The following FARP1 variants were observed in gnomAD, a reference collection of about 807,000 sequenced individuals.
The protein encoded by FARP1 is FERM, ARHGEF and pleckstrin domain-containing protein 1.
Under a neutral mutation model 128.8 loss-of-function variants are expected in FARP1, and 52 were observed. That is an observed-to-expected ratio of 0.40 (90% CI 0.32 to 0.51). The LOEUF is 0.51. FARP1 is among the 20% of genes least tolerant of loss of function. The pLI is 0.45. For synonymous variants in FARP1, 580 were observed against 551.8 expected, an observed-to-expected ratio of 1.05 and a Z score of -0.72; for missense variants, 1,333 against 1,367.9, an observed-to-expected ratio of 0.97 and a Z score of 0.40.
chr13:98,357,167 G>A (rs565734222), intron 3 of FARP1, among the ~76,000 whole-genome samples: 1 of 152,116 alleles, frequency 6.6e-6, no homozygotes, highest in East Asian at 1.9e-4. Context: ...TTTAATGGGG[G>A]GTGGAGGGGT....
chr13:98,454,416 C>T lies in FARP1; in HGVS notation c.*6099C>T, dbSNP rs902682905. Reference sequence around the variant, plus strand: ...TGTCTTTGACCAGGCTTATCTCAAACGTTCCAATCTAGAGCTCCTCTTTTC... The same window carrying T: ...TGTCTTTGACCAGGCTTATCTCAAATGTTCCAATCTAGAGCTCCTCTTTTC... On this transcript the variant is annotated 3_prime_UTR_variant, in exon 27 of 27. Coordinates refer to ENST00000319562, the MANE Select transcript of FARP1 (RefSeq NM_005766.4). 1 of 152,314 alleles carries T rather than the reference C, an allele frequency of 6.6e-6. No individual in the cohort carries two copies. The highest frequency in any genetic ancestry group is 1.9e-4 in the East Asian group (1 of 5,186). The allele number at this position is 152,314 out of a possible 1,614,324, so 9.4% of individuals were successfully genotyped here.
At chr13:98,155,269 C>CT (rs1188409590) in intron 1 of FARP1, among the ~76,000 whole-genome samples, 1 of 146,508 alleles carries the variant, frequency 6.8e-6, no homozygotes, top group African/African-American at 2.6e-5. Context: ...TGGCTTGAAC[C>CT]GGGAGGCAGA....
intron 2 of FARP1, among the ~76,000 whole-genome samples, chr13:98,330,806 C>G (rs1333948839): frequency 6.6e-6 from 1 of 151,988 alleles, no homozygotes; most frequent in Non-Finnish European, 1.5e-5. Flanking sequence ...CATTAAGCTG[C>G]GTGGTATCCC....
At position 98,384,319 on chromosome 13, in the gene FARP1, G is replaced by C; in HGVS notation, c.497-411G>C. Reference sequence around the variant, plus strand: ...GCAGTTCTCCTGCCTCAGCCTCCCAGGTCGCTGGGATTACAGGTGCCCGCC... The same window carrying C: ...GCAGTTCTCCTGCCTCAGCCTCCCACGTCGCTGGGATTACAGGTGCCCGCC... On this transcript the variant is annotated intron_variant, in intron 6 of 26. Coordinates refer to ENST00000319562, the MANE Select transcript of FARP1 (RefSeq NM_005766.4). The C allele has an allele frequency of 1.2e-5, 2 of 172,492 alleles. 1 individual carries two copies. Among genetic ancestry groups the C allele is most frequent in the Admixed American group, 1.2e-4 (2 of 17,286 alleles). 10.7% of individuals were successfully genotyped at this position (172,492 alleles called of 1,614,324 possible).
chr13:98,224,053 C>G (rs1881592799), intron 2 of FARP1, among the ~76,000 whole-genome samples: 1 of 152,224 alleles, frequency 6.6e-6, no homozygotes, highest in Admixed American at 6.5e-5. Context: ...AAACAGAACT[C>G]AGGTGCTCCA....
intron 3 of FARP1, among the ~76,000 whole-genome samples, chr13:98,344,262 G>A (rs781773193): frequency 6.6e-6 from 1 of 152,214 alleles, no homozygotes; most frequent in Non-Finnish European, 1.5e-5. Context: ...TCTGGTTGGA[G>A]ATGGTGCTGG....
chr13:98,338,093 A>G (rs189642199), intron 2 of FARP1, among the ~76,000 whole-genome samples: 2 of 152,314 alleles, frequency 1.3e-5, no homozygotes, highest in East Asian at 3.9e-4. Flanking sequence ...TTCCTCAACT[A>G]CTTTTTCTCC....
intron 3 of FARP1, among the ~76,000 whole-genome samples, chr13:98,363,503 C>A (rs1454663481): frequency 2.0e-5 from 3 of 152,182 alleles, no homozygotes; most frequent in Non-Finnish European, 4.4e-5. Context: ...CTTTGATATA[C>A]AAAGAAACCA....
intron 6 of FARP1, chr13:98,384,468 C>T: frequency 4.2e-6 from 2 of 481,036 alleles, no homozygotes; most frequent in Non-Finnish European, 3.8e-6. Flanking sequence ...GCTGAGATTA[C>T]AGGCATGAGC....
intron 2 of FARP1, among the ~76,000 whole-genome samples, chr13:98,301,898 A>T (rs1477430007): frequency 6.6e-6 from 1 of 152,152 alleles, no homozygotes; most frequent in Non-Finnish European, 1.5e-5. Context: ...CAGCCTTGTT[A>T]ATTCGGGTGA....
chr13:98,409,592 A>G, intron 14 of FARP1, 67 bp downstream of exon 14: 5 of 1,402,234 alleles, frequency 3.6e-6, no homozygotes, highest in Non-Finnish European at 4.8e-6. Flanking sequence ...GAATTTTAAA[A>G]ATTGTACTAA....
At chr13:98,152,337 C>T (rs1876074508) in intron 1 of FARP1, among the ~76,000 whole-genome samples, 1 of 152,142 alleles carries the variant, frequency 6.6e-6, no homozygotes, top group Non-Finnish European at 1.5e-5. Context: ...GCACAGGCTT[C>T]TCATTTAGCA....
intron 2 of FARP1, among the ~76,000 whole-genome samples, chr13:98,272,341 T>A (rs1430894137): frequency 6.6e-6 from 1 of 152,196 alleles, no homozygotes; most frequent in African/African-American, 2.4e-5. Flanking sequence ...AAATACATAT[T>A]TTTTAAGTAC....
At chr13:98,208,529 A>G (rs1258214377) in intron 1 of FARP1, 4 of 152,372 alleles carry the variant, frequency 2.6e-5, no homozygotes, top group African/African-American at 9.7e-5. Flanking sequence ...GTCATCTGGT[A>G]ACACTGGGGT....
chr13:98,254,517 G>A (rs1266599255), intron 2 of FARP1, among the ~76,000 whole-genome samples: 4 of 152,174 alleles, frequency 2.6e-5, no homozygotes, highest in African/African-American at 9.7e-5. Flanking sequence ...TCATGAGCAC[G>A]AAGAATTGTG....
At chr13:98,340,528 A>G (rs1887922834) in intron 2 of FARP1, among the ~76,000 whole-genome samples, 1 of 152,070 alleles carries the variant, frequency 6.6e-6, no homozygotes, top group Admixed American at 6.6e-5. Flanking sequence ...TATTTGTAGT[A>G]GAGATGGGGT....
chr13:98,246,253 G>T (rs1002175153), intron 2 of FARP1, among the ~76,000 whole-genome samples: 3 of 149,414 alleles, frequency 2.0e-5, no homozygotes, highest in African/African-American at 7.4e-5. Context: ...CCGCCACCTC[G>T]CCCGGCTAAT....
At chr13:98,309,393 T>C (rs1886347687) in intron 2 of FARP1, among the ~76,000 whole-genome samples, 2 of 151,224 alleles carry the variant, frequency 1.3e-5, no homozygotes, top group African/African-American at 4.9e-5. Flanking sequence ...ATGGTCTCGA[T>C]CTCCTGACCT....
In FARP1 at chr13:98,445,322, T is replaced by C. The variant is rs1159895030; in HGVS notation, c.2797-776T>C. ...AACTGCTTTGAGTCTCTGCTGGTGA[T>C]GTCACTTTGGCAAAGGGACGAAATG... On this transcript the variant is annotated intron_variant, in intron 24 of 26. Coordinates refer to ENST00000319562, the MANE Select transcript of FARP1 (RefSeq NM_005766.4). The C allele has an allele frequency of 2.0e-5, 3 of 152,426 alleles. No homozygotes were observed. The East Asian group carries it at 5.8e-4, about 29-fold the overall frequency. The allele number at this position is 152,426 out of a possible 1,614,324, so 9.4% of individuals were successfully genotyped here.
Sources: gnomAD v4.1 joint callset for allele counts (sites outside exome capture counted in the v4.1 genomes callset) on GRCh38, gnomAD v4.1.1 for gene constraint, MANE v1.5 for transcripts, NCBI Gene and HGNC (gene_info 2026-07-23, HGNC 2026-07-21) for gene names.